Variants in PLEKHG3 observed in about 807,000 individuals in gnomAD.
PLEKHG3 encodes pleckstrin homology domain-containing family G member 3.
In PLEKHG3, 62 loss-of-function variants were observed where a neutral mutation model predicts 94.9. The ratio of observed to expected loss-of-function variants is 0.65; its 90% CI spans 0.53 to 0.81. The LOEUF is 0.81. Among genes scored for constraint, PLEKHG3 ranks in the 30% least tolerant of loss-of-function variants. PLEKHG3 has a pLI of 0.00. For missense variants in PLEKHG3, 1,461 were observed against 1,619.3 expected (o/e 0.90, Z 1.68); for synonymous variants, 614 against 654.0 (o/e 0.94, Z 0.93).
At chr14:64,729,871 G>C (rs1210922401) in intron 3 of PLEKHG3, among the ~76,000 whole-genome samples, 1 of 152,156 alleles carries the variant, frequency 6.6e-6, no homozygotes, top group Non-Finnish European at 1.5e-5. Context: ...CCCACATCCT[G>C]GGCGCCCTGG....
chr14:64,741,107 G>A lies in PLEKHG3; in HGVS notation c.1590G>A (p.Glu530=). 1 of 1,613,866 alleles carries A rather than the reference G, an allele frequency of 6.2e-7. No homozygotes were observed. Among genetic ancestry groups the A allele is most frequent in the Non-Finnish European group, 8.5e-7 (1 of 1,179,810 alleles). ...FSAVEGPSAE[E]TPSDTESPEV... ...CTGTGGAAGGGCCCAGTGCCGAGGA[G>A]ACGCCTTCAGACACAGAATCTCCAG... The change falls in exon 16 of 17, where the codon GAG becomes GAA. Residue 530 remains glutamate, a synonymous_variant. Transcript: ENST00000247226.
intron 1 of PLEKHG3, among the ~76,000 whole-genome samples, chr14:64,711,274 T>G (rs1357810633): frequency 1.3e-5 from 2 of 152,196 alleles, no homozygotes; most frequent in Non-Finnish European, 2.9e-5. Flanking sequence ...ATGCCCTCTC[T>G]CTACAGAGGT....
Position 64,725,223 on chromosome 14 carries a change from C to G in PLEKHG3, c.-39-2370C>G, listed in dbSNP as rs2081329861. Among the ~76,000 whole-genome samples the G allele has an allele frequency of 6.6e-6, 1 of 152,136 alleles. No individual in the cohort carries two copies. Among genetic ancestry groups the G allele is most frequent in the South Asian group, 2.1e-4 (1 of 4,822 alleles). On this transcript the variant is annotated intron_variant, in intron 1 of 16. Coordinates refer to ENST00000247226, the MANE Select transcript of PLEKHG3 (RefSeq NM_001308147.2). The surrounding 1 kb of genome is among the most constrained non-coding windows in gnomAD (Gnocchi z 5.0). ...GGGTAGGGGTGGGGCTGTGAGTAATCTTTTGCTTTAAGACTGTGAACTGGC... is the reference window on the plus strand; with the variant it reads ...GGGTAGGGGTGGGGCTGTGAGTAATGTTTTGCTTTAAGACTGTGAACTGGC...
rs1252637585 is a variant in PLEKHG3, at chr14:64,745,997, G to A, written c.*2294G>A. On this transcript the variant is annotated 3_prime_UTR_variant, in exon 17 of 17. Transcript: ENST00000247226. This position sits in a 1 kb window ranked among gnomAD's most constrained non-coding sequence, Gnocchi z 5.0. ...GATTCTGATGATTCTGCGGTCCAGT[G>A]AGTGCTGAGATCTGTCCTGAGCTCT... 6.6e-6 allele frequency: 1 copy of A among 152,342 alleles called. No individual in the cohort carries two copies. The highest frequency in any genetic ancestry group is 2.4e-5 in the African/African-American group (1 of 41,460). 9.4% of individuals were successfully genotyped at this position (152,342 alleles called of 1,614,324 possible). A position where few individuals can be genotyped will look rare whatever the true frequency, so the allele number is the denominator to read the frequency against.
intron 12 of PLEKHG3, among the ~76,000 whole-genome samples, chr14:64,734,570 G>A (rs1221966534): frequency 2.0e-5 from 3 of 152,200 alleles, no homozygotes; most frequent in Non-Finnish European, 2.9e-5. Context: ...GGTGTCCAAG[G>A]CACTCAGGAA....
In PLEKHG3 at chr14:64,749,989, A is replaced by G. The variant is rs1205243716; in HGVS notation, c.*6286A>G. The G allele has an allele frequency of 3.7e-6, 6 of 1,614,222 alleles. No individual in the cohort carries two copies. The highest frequency in any genetic ancestry group is 5.1e-6 in the Non-Finnish European group (6 of 1,180,042). On this transcript the variant is annotated 3_prime_UTR_variant, in exon 17 of 17. Transcript: ENST00000247226. This position sits in a 1 kb window ranked among gnomAD's most constrained non-coding sequence, Gnocchi z 4.7. ...GGCCAGGAAGGCCTCACCTCAGCTT[A>G]AAGACGTGCTTCTTCTTCTTGTAGT...
rs1273272427 is a variant in PLEKHG3, at chr14:64,738,188, T to C, written c.1405-554T>C. 6 of 1,290,230 alleles carry C rather than the reference T, an allele frequency of 4.7e-6. No homozygotes were observed. The highest frequency in any genetic ancestry group is 6.1e-6 in the Non-Finnish European group (6 of 989,642). The allele number at this position is 1,290,230 out of a possible 1,614,324, so 79.9% of individuals were successfully genotyped here. Reference sequence around the variant, plus strand: ...TGGCCGCCCTCCACTGCTGGCACTATCGGGCCAACGCTTTACTTTTCTCCC... The same window carrying C: ...TGGCCGCCCTCCACTGCTGGCACTACCGGGCCAACGCTTTACTTTTCTCCC... On this transcript the variant is annotated intron_variant, in intron 14 of 16. Coordinates refer to ENST00000247226, the MANE Select transcript of PLEKHG3 (RefSeq NM_001308147.2). The surrounding 1 kb of genome is among the most constrained non-coding windows in gnomAD (Gnocchi z 4.8).
In PLEKHG3 at chr14:64,721,483, C is replaced by T. The variant is rs1320360969; in HGVS notation, c.-39-6110C>T. 6.6e-6 allele frequency among the ~76,000 whole-genome samples: 1 copy of T among 152,184 alleles called. No homozygotes were observed. The highest frequency in any genetic ancestry group is 1.9e-4 in the East Asian group (1 of 5,196). ...GCAGCTGTGGTCCTGCTGCAAGGGA[C>T]CCAGCCAGACTACATGGGCCCTGCT... On this transcript the variant is annotated intron_variant, in intron 1 of 16. Transcript: ENST00000247226. The surrounding 1 kb of genome is among the most constrained non-coding windows in gnomAD (Gnocchi z 4.3).
rs933191342 is a variant in PLEKHG3 at position 64,742,324 on chromosome 14, G to C, written c.2807G>C (p.Arg936Pro). Residue 936 changes from arginine to proline, a missense_variant, in exon 16 of 17, where the codon CGG (arginine) becomes CCG (proline). Transcript: ENST00000247226. ...CAGCTGGCCCGCCAGTACAGCCTCC[G>C]GATCAAGAGCAACAAGCCAGTGATG... ...VYQLARQYSL[R>P]IKSNKPVMAR... 6.2e-7 allele frequency: 1 copy of C among 1,613,044 alleles called. No individual in the cohort carries two copies. Among genetic ancestry groups the C allele is most frequent in the South Asian group, 1.1e-5 (1 of 91,090 alleles).
Position 64,741,038 on chromosome 14 carries a change from T to G in PLEKHG3, c.1521T>G (p.Val507=), listed in dbSNP as rs774019708. The change falls in exon 16 of 17, where the codon GTT becomes GTG. Residue 507 remains valine, a splice_region_variant and synonymous_variant. Coordinates refer to ENST00000247226, the MANE Select transcript of PLEKHG3 (RefSeq NM_001308147.2). The part of the protein sequence containing the change: ...SFESISSLPE[V]EPDPEAGSEQ... ...GAGCCTTTTCTGCTATGTTTCAGGTTGAGCCGGACCCTGAGGCTGGGAGTG... is the reference window on the plus strand; with the variant it reads ...GAGCCTTTTCTGCTATGTTTCAGGTGGAGCCGGACCCTGAGGCTGGGAGTG... 6.4e-7 allele frequency: 1 copy of G among 1,574,056 alleles called. No individual in the cohort carries two copies. The highest frequency in any genetic ancestry group is 1.9e-5 in the Admixed American group (1 of 54,046).
rs570003099 is a variant in PLEKHG3, at chr14:64,728,774, C to A, written c.352-222C>A. On this transcript the variant is annotated intron_variant, in intron 2 of 16. Coordinates refer to ENST00000247226, the MANE Select transcript of PLEKHG3 (RefSeq NM_001308147.2). The surrounding 1 kb of genome is among the most constrained non-coding windows in gnomAD (Gnocchi z 5.9). Reference sequence around the variant, plus strand: ...GCCCACCCTAAATCCTATCTGAAGTCATCTTGAGATCCTTAACTAATGGCA... The same window carrying A: ...GCCCACCCTAAATCCTATCTGAAGTAATCTTGAGATCCTTAACTAATGGCA... 6.6e-4 allele frequency among the ~76,000 whole-genome samples: 101 copies of A among 152,306 alleles called. No homozygotes were observed. The highest frequency in any genetic ancestry group is 2.2e-3 in the African/African-American group (90 of 41,552).
chr14:64,742,376 G>T lies in PLEKHG3; in HGVS notation c.2859G>T (p.Lys953Asn). 2 of 1,612,996 alleles carry T rather than the reference G, an allele frequency of 1.2e-6. No individual in the cohort carries two copies. Among genetic ancestry groups the T allele is most frequent in the Non-Finnish European group, 1.7e-6 (2 of 1,180,038 alleles). The change falls in exon 16 of 17, where the codon AAG becomes AAT. Residue 953 changes from lysine (K) to asparagine (N), a missense_variant. Lys to Asn is a moderately conservative substitution (Grantham distance 94). This residue lies in a region of PLEKHG3 where 1,201 missense variants were observed against 1,295.5 expected (regional missense o/e 0.93). Transcript: ENST00000247226. ...CCAGGCCACCACTGCAGTGGGAAAA[G>T]GTGGCCCCTGAGAGGGATGGGAAGA... Reference protein sequence around the residue: ...VMARPPLQWEKVAPERDGKSP... With the variant: ...VMARPPLQWENVAPERDGKSP...
chr14:64,748,169 C>A lies in PLEKHG3; in HGVS notation c.*4466C>A, dbSNP rs955826866. ...GTAGCTGTCACATGGGTGGTGATAC[C>A]AAGACATGGCTGCGTCTGCCACCCC... On this transcript the variant is annotated 3_prime_UTR_variant, in exon 17 of 17. Coordinates refer to ENST00000247226, the MANE Select transcript of PLEKHG3 (RefSeq NM_001308147.2). 3.3e-5 allele frequency: 5 copies of A among 149,610 alleles called. No homozygotes were observed. The highest frequency in any genetic ancestry group is 1.3e-4 in the African/African-American group (5 of 39,016). The allele number at this position is 149,610 out of a possible 1,614,324, so 9.3% of individuals were successfully genotyped here.
Position 64,739,453 on chromosome 14 carries a change from A to G in PLEKHG3, c.1518+598A>G, listed in dbSNP as rs142310912. Among the ~76,000 whole-genome samples, 2,709 of 152,250 alleles carry G rather than the reference A, an allele frequency of 0.018. 101 individuals are homozygous for G. Among genetic ancestry groups the G allele is most frequent in the African/African-American group, 0.063 (2,596 of 41,516 alleles). ...CTGCCCTATGCTGTCTGTGGGTTGT[A>G]GGAAGCAGCATCCTTTACTTTCCCA... On this transcript the variant is annotated intron_variant, in intron 15 of 16. Transcript: ENST00000247226. This position sits in a 1 kb window ranked among gnomAD's most constrained non-coding sequence, Gnocchi z 4.1.
chr14:64,741,732 C>T lies in PLEKHG3; in HGVS notation c.2215C>T (p.Arg739Trp), dbSNP rs1336466479. The change falls in exon 16 of 17, where the codon CGG becomes TGG. Residue 739 changes from arginine to tryptophan, a missense_variant. This residue lies in a region of PLEKHG3 where 1,201 missense variants were observed against 1,295.5 expected (regional missense o/e 0.93). Transcript: ENST00000247226. The part of the protein sequence containing the change: ...HHDAGFSVRR[R>W]ESLSYIPKGL... Reference sequence around the variant, plus strand: ...TGATGCAGGCTTCAGCGTCCGTCGCCGGGAGAGCCTCTCCTACATCCCCAA... The same window carrying T: ...TGATGCAGGCTTCAGCGTCCGTCGCTGGGAGAGCCTCTCCTACATCCCCAA... The T allele has an allele frequency of 1.2e-5, 20 of 1,613,014 alleles. No individual in the cohort carries two copies. Among genetic ancestry groups the T allele is most frequent in the Admixed American group, 1.7e-5 (1 of 60,004 alleles).
rs1467862793 is a variant in PLEKHG3 at position 64,730,630 on chromosome 14, A to G, written c.520-12A>G. ...AATCTCCCTGAAATCACTATTTTTG[A>G]TCTCTTCTTAGAGCCAAGAGTTTGA... On this transcript the variant is annotated splice_polypyrimidine_tract_variant and intron_variant, in intron 4 of 16. Transcript: ENST00000247226. This position sits in a 1 kb window ranked among gnomAD's most constrained non-coding sequence, Gnocchi z 5.4. 6.2e-7 allele frequency: 1 copy of G among 1,602,932 alleles called. No individual in the cohort carries two copies. Among genetic ancestry groups the G allele is most frequent in the Non-Finnish European group, 8.5e-7 (1 of 1,171,582 alleles).
At position 64,749,998 on chromosome 14, in the gene PLEKHG3, C is replaced by A; in HGVS notation, c.*6295C>A. ...GGCCTCACCTCAGCTTAAAGACGTG[C>A]TTCTTCTTCTTGTAGTTGGCAGCAA... On this transcript the variant is annotated 3_prime_UTR_variant, in exon 17 of 17. Coordinates refer to ENST00000247226, the MANE Select transcript of PLEKHG3 (RefSeq NM_001308147.2). This position sits in a 1 kb window ranked among gnomAD's most constrained non-coding sequence, Gnocchi z 4.7. The A allele has an allele frequency of 6.2e-7, 1 of 1,613,090 alleles. No individual in the cohort carries two copies. Among genetic ancestry groups the A allele is most frequent in the Non-Finnish European group, 8.5e-7 (1 of 1,179,018 alleles).
chr14:64,742,981 G>A lies in PLEKHG3; in HGVS notation c.2939-1G>A. On this transcript the variant is annotated splice_acceptor_variant, in intron 16 of 16. Coordinates refer to ENST00000247226, the MANE Select transcript of PLEKHG3 (RefSeq NM_001308147.2). LOFTEE classifies it high-confidence loss of function. ...TCAGGCAGCTTGCTCTCTCCTCATA[G>A]GTAAGAGGAAGCCGGTGCTGTCTCT... 1 of 1,613,170 alleles carries A rather than the reference G, an allele frequency of 6.2e-7. No homozygotes were observed. Among genetic ancestry groups the A allele is most frequent in the Non-Finnish European group, 8.5e-7 (1 of 1,179,812 alleles).
intron 15 of PLEKHG3, 49 bp from the exon 16 acceptor site, chr14:64,740,987 C>T (rs763568707): frequency 6.9e-7 from 1 of 1,453,206 alleles, no homozygotes; most frequent in Non-Finnish European, 9.3e-7. Flanking sequence ...TCCCCGGATC[C>T]CATGAAGGAG....
Sources: gnomAD v4.1 joint callset for allele counts (sites outside exome capture counted in the v4.1 genomes callset) on GRCh38, gnomAD v4.1.1 for gene constraint, gnomAD v4.1.1 regional missense constraint, Gnocchi (gnomAD v3.1) non-coding constraint, MANE v1.5 for transcripts, NCBI Gene and HGNC (gene_info 2026-07-23, HGNC 2026-07-21) for gene names.